The following IL16 variants were observed in gnomAD, a reference collection of about 807,000 sequenced individuals.
IL16 encodes pro-interleukin-16.
Under a neutral mutation model 110.1 loss-of-function variants are expected in IL16, and 67 were observed. The observed-to-expected ratio is 0.61, with a 90% CI of 0.50 to 0.75. IL16 has a LOEUF of 0.75. IL16 is among the 30% of genes least tolerant of loss of function. The probability of loss-of-function intolerance (pLI) is 0.00; values close to 1 mark genes in which losing one functional copy is unlikely to be tolerated. For missense variants in IL16, 1,545 were observed against 1,655.0 expected (o/e 0.93, Z 1.15); for synonymous variants, 689 against 662.9 (o/e 1.04, Z -0.61).
chr15:81,211,129 C>T (rs926793923), intron 1 of IL16, among the ~76,000 whole-genome samples: 1 of 150,996 alleles, frequency 6.6e-6, no homozygotes, highest in African/African-American at 2.4e-5. Flanking sequence ...GTGCAATCAT[C>T]GCGCACTGCA....
chr15:81,299,620 A>T lies in IL16; in HGVS notation c.2294A>T (p.Asn765Ile), dbSNP rs767790257. The T allele has an allele frequency of 1.9e-6, 3 of 1,614,188 alleles. No individual in the cohort carries two copies. The highest frequency in any genetic ancestry group is 1.7e-5 in the Admixed American group (1 of 60,024). The part of the protein sequence containing the change: ...DGTPPKLDTA[N>I]GTPKVYKSAD... ...ACCCCACCAAAGCTGGACACCGCCAATGGCACTCCCAAAGTTTACAAGTCA... is the reference window on the plus strand; with the variant it reads ...ACCCCACCAAAGCTGGACACCGCCATTGGCACTCCCAAAGTTTACAAGTCA... The change falls in exon 14 of 19, where the codon AAT becomes ATT. Residue 765 changes from asparagine to isoleucine, a missense_variant. Physicochemically the swap from Asn to Ile is moderately radical, Grantham distance 149 (BLOSUM62 -3). Transcript: ENST00000683961.
intron 2 of IL16, 95 bp downstream of exon 2, chr15:81,225,806 G>A: frequency 1.7e-6 from 2 of 1,154,634 alleles, no homozygotes; most frequent in Non-Finnish European, 2.4e-6. Flanking sequence ...AAATCATGAA[G>A]CTGCAGAGTT....
At chr15:81,247,639 T>G (rs1449980285) in intron 2 of IL16, among the ~76,000 whole-genome samples, 2 of 152,056 alleles carry the variant, frequency 1.3e-5, no homozygotes, top group Non-Finnish European at 2.9e-5. Context: ...AAATTTGACA[T>G]TGCTATGGTG....
chr15:81,282,658 C>T lies in IL16; in HGVS notation c.1101C>T (p.Gly367=), dbSNP rs1454587244. The T allele has an allele frequency of 1.2e-6, 2 of 1,613,224 alleles. No homozygotes were observed. Among genetic ancestry groups the T allele is most frequent in the African/African-American group, 2.7e-5 (2 of 74,942 alleles). Residue 367 remains glycine, a synonymous_variant, in exon 9 of 19, where the codon GGC becomes GGT. Transcript: ENST00000683961. ...TTCCAGAGGCCGGCGTGGGCCTGGG[C>T]ATCGGCCTGTGCAGCGTTCCCTACT... ...SLQKEAGVGL[G]IGLCSVPYFQ...
chr15:81,313,365 G>A lies in IL16; in HGVS notation c.*4567G>A, dbSNP rs757972372. 7 of 1,578,984 alleles carry A rather than the reference G, an allele frequency of 4.4e-6. No individual in the cohort carries two copies. The highest frequency in any genetic ancestry group is 6.0e-6 in the Non-Finnish European group (7 of 1,162,416). The stretch of plus-strand genomic sequence containing the variant: ...CTGTGGGAGGTAACCGCTGAGGTCG[G>A]TATGGAAGAATGTGACCAGGTTGGT... On this transcript the variant is annotated 3_prime_UTR_variant, in exon 19 of 19. Coordinates refer to ENST00000683961, the MANE Select transcript of IL16 (RefSeq NM_172217.5).
intron 2 of IL16, among the ~76,000 whole-genome samples, chr15:81,256,632 C>T (rs1384744303): frequency 6.6e-6 from 1 of 152,178 alleles, no homozygotes; most frequent in Non-Finnish European, 1.5e-5. Context: ...GTGTGAGCCA[C>T]CGCACCCAGA....
At position 81,308,895 on chromosome 15, in the gene IL16, G is replaced by C; in HGVS notation, c.*97G>C. The C allele has an allele frequency of 8.8e-7, 1 of 1,132,204 alleles. No individual in the cohort carries two copies. Among genetic ancestry groups the C allele is most frequent in the Non-Finnish European group, 1.2e-6 (1 of 800,406 alleles). The allele number at this position is 1,132,204 out of a possible 1,614,324, so 70.1% of individuals were successfully genotyped here. ...GTCTCTGCTGCCGCCCCACCCAGAT[G>C]GGGGAAAGCACAGGTGGGCTTCCCA... is the stretch of plus-strand genomic sequence containing the variant. On this transcript the variant is annotated 3_prime_UTR_variant, in exon 19 of 19. Transcript: ENST00000683961.
At chr15:81,252,003 T>A (rs764000444) in intron 2 of IL16, among the ~76,000 whole-genome samples, 16 of 152,232 alleles carry the variant, frequency 1.1e-4, no homozygotes, top group Non-Finnish European at 1.6e-4. Context: ...TGAAAACAAC[T>A]GTAAACAACT....
intron 6 of IL16, among the ~76,000 whole-genome samples, chr15:81,278,069 T>G (rs968759859): frequency 6.6e-6 from 1 of 151,974 alleles, no homozygotes; most frequent in Non-Finnish European, 1.5e-5. Context: ...TATTTATTTA[T>G]TTTTACCATA....
intron 18 of IL16, 60 bp from the exon 19 acceptor site, chr15:81,308,545 G>T: frequency 1.6e-6 from 2 of 1,283,244 alleles, no homozygotes; most frequent in Non-Finnish European, 1.1e-6. Flanking sequence ...TCAAGGAGAG[G>T]AGGCAACTTT....
At chr15:81,258,730 G>A (rs962405166) in intron 2 of IL16, among the ~76,000 whole-genome samples, 5 of 147,832 alleles carry the variant, frequency 3.4e-5, no homozygotes, top group Non-Finnish European at 6.0e-5. Context: ...TCGCGCACGC[G>A]CTCTCTCTCT....
In IL16 at chr15:81,292,498, G is replaced by T. The variant is rs775509524; in HGVS notation, c.1421-58G>T. 9 of 1,612,602 alleles carry T rather than the reference G, an allele frequency of 5.6e-6. No homozygotes were observed. The South Asian group carries it at 7.7e-5, about 14-fold the overall frequency. ...CCGTGGCAGTCACAGGTGAGGCCAG[G>T]GGGTATTTCTGTTTTCTGAAGCTCA... On this transcript the variant is annotated intron_variant, in intron 11 of 18. Coordinates refer to ENST00000683961, the MANE Select transcript of IL16 (RefSeq NM_172217.5).
chr15:81,243,143 G>A (rs58632724), intron 2 of IL16, among the ~76,000 whole-genome samples: 3 of 47,238 alleles, frequency 6.4e-5, no homozygotes, highest in Admixed American at 3.7e-4. Context: ...AGCTATATAA[G>A]TATATATATA....
chr15:81,222,745 GACAC>G (rs71718505), intron 1 of IL16, among the ~76,000 whole-genome samples: 1,957 of 148,332 alleles, frequency 0.013, 16 homozygotes, highest in African/African-American at 0.013. Context: ...CACACTCACA[GACAC>G]ACACACACAC....
rs373067172 is a variant in IL16, at chr15:81,279,747, A to G, written c.1054A>G (p.Ile352Val). 2.3e-5 allele frequency: 37 copies of G among 1,614,056 alleles called. No homozygotes were observed. The highest frequency in any genetic ancestry group is 3.0e-5 in the Non-Finnish European group (35 of 1,180,004). The change falls in exon 8 of 19, where the codon ATC becomes GTC. Residue 352 changes from isoleucine (I) to valine (V), a missense_variant. Transcript: ENST00000683961. The part of the protein sequence containing the change: ...PISTAKPNYR[I>V]MVEVSLQKEA... ...CAGCACCGCCAAGCCCAATTACAGA[A>G]TCATGGTGGAGGTTTCTCTGCAGAA...
intron 1 of IL16, among the ~76,000 whole-genome samples, chr15:81,189,002 G>A (rs900045259): frequency 6.6e-6 from 1 of 152,098 alleles, no homozygotes; most frequent in African/African-American, 2.4e-5. Flanking sequence ...GAGTGCAGTG[G>A]TATGATCAAG....
At chr15:81,207,521 A>T (rs1295248442) in intron 1 of IL16, among the ~76,000 whole-genome samples, 2 of 130,528 alleles carry the variant, frequency 1.5e-5, no homozygotes, top group East Asian at 2.8e-4. Flanking sequence ...CCCACCTCCC[A>T]CCCACCCCCT....
chr15:81,212,029 G>A (rs4614682), intron 1 of IL16, among the ~76,000 whole-genome samples: 21,046 of 152,098 alleles, frequency 0.14, 1,920 homozygotes, highest in East Asian at 0.38. Context: ...AAGTTAGGGA[G>A]GAGTGCCTCC....
chr15:81,205,866 T>C (rs1895998136), intron 1 of IL16, among the ~76,000 whole-genome samples: 1 of 152,220 alleles, frequency 6.6e-6, no homozygotes, highest in Non-Finnish European at 1.5e-5. Flanking sequence ...GGTGTCAGTG[T>C]TAATTTTGTC....
Sources: gnomAD v4.1 joint callset for allele counts (sites outside exome capture counted in the v4.1 genomes callset) on GRCh38, gnomAD v4.1.1 for gene constraint, MANE v1.5 for transcripts, NCBI Gene and HGNC (gene_info 2026-07-23, HGNC 2026-07-21) for gene names.